Variants in ASIC2 observed in about 807,000 individuals in gnomAD.
ASIC2 encodes acid-sensing ion channel 2.
In ASIC2, 25 loss-of-function variants were observed where a neutral mutation model predicts 57.3. The observed-to-expected ratio is 0.44, with a 90% confidence interval of 0.32 to 0.61. The LOEUF (loss-of-function observed/expected upper bound fraction) is 0.61. ASIC2 is among the 20% of genes least tolerant of loss of function. The pLI, the probability that ASIC2 is intolerant of heterozygous loss-of-function variation, is 0.06. For missense variants in ASIC2, 641 were observed against 738.1 expected, an observed-to-expected ratio of 0.87 and a Z score of 1.52; for synonymous variants, 319 against 307.5, an observed-to-expected ratio of 1.04 and a Z score of -0.39.
chr17:33,286,791 C>T (rs960779586), intron 1 of ASIC2, among the ~76,000 whole-genome samples: 10 of 152,190 alleles, frequency 6.6e-5, no homozygotes, highest in Non-Finnish European at 1.2e-4. Flanking sequence ...ATTCACACAC[C>T]TCTGTCCTCA....
chr17:33,183,083 T>G (rs1363194689), intron 1 of ASIC2, among the ~76,000 whole-genome samples: 5 of 152,056 alleles, frequency 3.3e-5, no homozygotes, highest in Non-Finnish European at 5.9e-5. Flanking sequence ...GAGGTGAAAC[T>G]GATGTGTTCA....
intron 1 of ASIC2, among the ~76,000 whole-genome samples, chr17:34,090,206 G>C (rs991800446): frequency 2.6e-5 from 4 of 152,174 alleles, no homozygotes; most frequent in African/African-American, 9.7e-5. Context: ...ATGGCAAGGA[G>C]ACTTAAGCAT....
intron 1 of ASIC2, among the ~76,000 whole-genome samples, chr17:33,262,355 G>A (rs951841282): frequency 1.3e-5 from 2 of 150,744 alleles, no homozygotes; most frequent in East Asian, 3.9e-4. Context: ...AAAGGAGGAA[G>A]AGGGAGGGAG....
At chr17:33,745,705 A>C (rs553420817) in intron 1 of ASIC2, among the ~76,000 whole-genome samples, 12 of 152,288 alleles carry the variant, frequency 7.9e-5, no homozygotes, top group African/African-American at 2.6e-4. Flanking sequence ...CAGAAAAACT[A>C]TCTTTCAAAA....
At chr17:34,056,758 T>C (rs1254975400) in intron 1 of ASIC2, among the ~76,000 whole-genome samples, 1 of 152,230 alleles carries the variant, frequency 6.6e-6, no homozygotes, top group Non-Finnish European at 1.5e-5. Context: ...TGATTCAGTA[T>C]CCTTCAGGTC....
chr17:34,007,121 T>C (rs899212739), intron 1 of ASIC2, among the ~76,000 whole-genome samples: 6 of 152,126 alleles, frequency 3.9e-5, no homozygotes, highest in Admixed American at 2.0e-4. Context: ...TCCTGGAAGG[T>C]AACAGCAGCC....
chr17:34,015,901 C>A (rs975921539), intron 1 of ASIC2, among the ~76,000 whole-genome samples: 1 of 152,190 alleles, frequency 6.6e-6, no homozygotes, highest in African/African-American at 2.4e-5. Context: ...GGGGAGATGA[C>A]CAACTCACGT....
chr17:33,601,534 G>T (rs1457010141), intron 1 of ASIC2, among the ~76,000 whole-genome samples: 1 of 152,242 alleles, frequency 6.6e-6, no homozygotes, highest in Non-Finnish European at 1.5e-5. Flanking sequence ...CAGGTGTGCA[G>T]AAAGCAAAGC....
intron 1 of ASIC2, chr17:34,038,929 A>G (rs1907993316): frequency 6.2e-7 from 1 of 1,612,838 alleles, no homozygotes. Flanking sequence ...GAAAAGCATA[A>G]CCATCTGTCC....
intron 1 of ASIC2, among the ~76,000 whole-genome samples, chr17:33,254,592 T>C (rs2142136475): frequency 6.6e-6 from 1 of 152,164 alleles, no homozygotes; most frequent in African/African-American, 2.4e-5. Flanking sequence ...TCCCCTCTTC[T>C]CCATCTAGTT....
chr17:33,286,593 T>C (rs749075777), intron 1 of ASIC2, among the ~76,000 whole-genome samples: 1 of 152,206 alleles, frequency 6.6e-6, no homozygotes, highest in African/African-American at 2.4e-5. Flanking sequence ...CATTATTTCA[T>C]GTCTCTGAAC....
chr17:33,311,588 G>T (rs1906427879), intron 1 of ASIC2, among the ~76,000 whole-genome samples: 1 of 152,132 alleles, frequency 6.6e-6, no homozygotes, highest in African/African-American at 2.4e-5. Flanking sequence ...TCTGCTAGGA[G>T]CTGAGACTCT....
intron 1 of ASIC2, among the ~76,000 whole-genome samples, chr17:33,687,362 C>T (rs1908227698): frequency 6.6e-6 from 1 of 152,098 alleles, no homozygotes; most frequent in South Asian, 2.1e-4. Context: ...AAGGAAGATC[C>T]AAACAAGAGA....
intron 1 of ASIC2, among the ~76,000 whole-genome samples, chr17:33,172,685 A>G (rs1326067554): frequency 1.3e-5 from 2 of 152,220 alleles, no homozygotes; most frequent in African/African-American, 4.8e-5. Flanking sequence ...GAGCTCTTAC[A>G]GTTCAGAGAA....
chr17:33,513,129 A>G (rs929191394), intron 1 of ASIC2, among the ~76,000 whole-genome samples: 1 of 152,268 alleles, frequency 6.6e-6, no homozygotes, highest in African/African-American at 2.4e-5. Context: ...GGGTGCTGGC[A>G]TGGCAGGACT....
At chr17:33,868,604 C>T (rs1039398949) in intron 1 of ASIC2, among the ~76,000 whole-genome samples, 3 of 152,086 alleles carry the variant, frequency 2.0e-5, no homozygotes, top group Non-Finnish European at 4.4e-5. Flanking sequence ...ATAGATTGGA[C>T]TTCATTAAAA....
At chr17:33,569,015 T>C (rs1916342454) in intron 1 of ASIC2, 2 of 152,246 alleles carry the variant, frequency 1.3e-5, no homozygotes, top group South Asian at 4.1e-4. Context: ...CCCTTGAAGG[T>C]CAGGTTATGG....
At chr17:33,682,259 G>A (rs1232046148) in intron 1 of ASIC2, among the ~76,000 whole-genome samples, 1 of 151,186 alleles carries the variant, frequency 6.6e-6, no homozygotes, top group Non-Finnish European at 1.5e-5. Context: ...TAGAGACGGG[G>A]TTTCACCATG....
At chr17:33,768,227 C>T (rs1168343239) in intron 1 of ASIC2, among the ~76,000 whole-genome samples, 2 of 151,952 alleles carry the variant, frequency 1.3e-5, no homozygotes, top group African/African-American at 4.8e-5. Context: ...ACCGTGGTCT[C>T]GATCTCCTGA....
Sources: allele counts gnomAD v4.1 joint callset (sites outside exome capture counted in the v4.1 genomes callset), GRCh38; gene constraint gnomAD v4.1.1; transcripts MANE v1.5; gene names NCBI Gene and HGNC (gene_info 2026-07-23, HGNC 2026-07-21).